Variants in KIF20B observed in about 807,000 individuals in gnomAD.
KIF20B encodes kinesin-like protein KIF20B.
KIF20B carries 188 observed loss-of-function variants against 232.5 expected under a neutral mutation model. The ratio of observed to expected loss-of-function variants is 0.81; its 90% CI spans 0.72 to 0.91. The LOEUF (loss-of-function observed/expected upper bound fraction) is 0.91. Ranked by LOEUF, KIF20B falls within the 40% of genes least tolerant of loss-of-function variation. KIF20B has a pLI of 0.00. For missense variants in KIF20B, 2,154 were observed against 2,055.9 expected (o/e 1.05, Z -0.92); for synonymous variants, 712 against 683.0 (o/e 1.04, Z -0.66).
chr10:89,722,873 T>G (rs1255990488), intron 13 of KIF20B, among the ~76,000 whole-genome samples: 1 of 152,146 alleles, frequency 6.6e-6, no homozygotes, highest in Non-Finnish European at 1.5e-5. Context: ...TGTTAATGGA[T>G]TTTTATTATA....
At chr10:89,719,730 C>T in intron 13 of KIF20B, 24 bp downstream of exon 13, 1 of 1,514,082 alleles carries the variant, frequency 6.6e-7, no homozygotes. Context: ...ACTCATACTT[C>T]TATGCTTGTC....
At chr10:89,746,207 G>T (rs1841906920) in intron 23 of KIF20B, among the ~76,000 whole-genome samples, 1 of 152,232 alleles carries the variant, frequency 6.6e-6, no homozygotes, top group Non-Finnish European at 1.5e-5. Flanking sequence ...CCGTCCACAG[G>T]CGGCTTGTGT....
At chr10:89,718,656 G>C in intron 11 of KIF20B, 54 bp from the exon 12 acceptor site, 1 of 1,369,444 alleles carries the variant, frequency 7.3e-7, no homozygotes, top group Admixed American at 2.0e-5. Flanking sequence ...TCAGCACCCT[G>C]ATTTCATGAG....
intron 14 of KIF20B, 38 bp downstream of exon 14, chr10:89,724,141 AT>A: frequency 7.0e-7 from 1 of 1,421,076 alleles, no homozygotes; most frequent in South Asian, 1.8e-5. Context: ...AAAATTGAGA[AT>A]TTTATTTAGT....
intron 29 of KIF20B, chr10:89,766,409 GCAA>G (rs983804698): frequency 6.6e-6 from 1 of 152,234 alleles, no homozygotes; most frequent in Non-Finnish European, 1.5e-5. Context: ...CAAACCAAAG[GCAA>G]AGAAGTTGAA....
chr10:89,741,617 G>C (rs1841797595), intron 21 of KIF20B, among the ~76,000 whole-genome samples: 1 of 152,078 alleles, frequency 6.6e-6, no homozygotes, highest in Admixed American at 6.5e-5. Flanking sequence ...CTTCCATTTT[G>C]TTGATAAGAA....
intron 1 of KIF20B, among the ~76,000 whole-genome samples, chr10:89,703,356 A>C (rs974019035): frequency 1.3e-5 from 2 of 152,362 alleles, no homozygotes. Flanking sequence ...ATTGACAACA[A>C]GATGGCAGGA....
chr10:89,742,639 A>G (rs1841825087), intron 21 of KIF20B, among the ~76,000 whole-genome samples: 1 of 151,726 alleles, frequency 6.6e-6, no homozygotes, highest in African/African-American at 2.4e-5. Context: ...GCTTAAAACA[A>G]TGTAAGAATC....
intron 29 of KIF20B, among the ~76,000 whole-genome samples, chr10:89,767,109 A>G (rs945806532): frequency 1.1e-4 from 16 of 151,858 alleles, no homozygotes; most frequent in South Asian, 6.2e-4. Flanking sequence ...CTTCACTGCT[A>G]TAATAAACTA....
At chr10:89,728,703 G>A (rs1589861926) in intron 17 of KIF20B, among the ~76,000 whole-genome samples, 3 of 151,620 alleles carry the variant, frequency 2.0e-5, no homozygotes, top group Admixed American at 6.6e-5. Flanking sequence ...GGGCTTTCAC[G>A]ATGTTGGCCA....
Position 89,752,659 on chromosome 10 carries a change from G to T in KIF20B, c.4315G>T (p.Gly1439Ter). Residue 1439 changes from glycine to a stop codon, truncating the protein, a stop_gained, in exon 25 of 33, where the codon GGA becomes TGA. Coordinates refer to ENST00000371728, the MANE Select transcript of KIF20B (RefSeq NM_001284259.2). LOFTEE classifies it high-confidence loss of function. Reference sequence around the variant, plus strand: ...ACATGAGAACAACACAGATGTGCTTGGAAAGCTCACTAATCTTCAAGATGA... The same window carrying T: ...ACATGAGAACAACACAGATGTGCTTTGAAAGCTCACTAATCTTCAAGATGA... ...KEHENNTDVL[G>*]KLTNLQDELQ... 6.3e-7 allele frequency: 1 copy of T among 1,586,824 alleles called. No individual in the cohort carries two copies. Among genetic ancestry groups the T allele is most frequent in the Non-Finnish European group, 8.6e-7 (1 of 1,167,654 alleles).
chr10:89,707,365 A>C (rs1036186634), intron 2 of KIF20B, among the ~76,000 whole-genome samples: 1 of 152,040 alleles, frequency 6.6e-6, no homozygotes, highest in Non-Finnish European at 1.5e-5. Flanking sequence ...TCTGATTAGC[A>C]TTTTGTTAGT....
chr10:89,755,117 T>TCTTA (rs1258337030), intron 26 of KIF20B, among the ~76,000 whole-genome samples: 1 of 152,242 alleles, frequency 6.6e-6, no homozygotes, highest in Non-Finnish European at 1.5e-5. Context: ...GTAATGATTG[T>TCTTA]CTTAGCCTGT....
Position 89,738,553 on chromosome 10 carries a change from G to A in KIF20B, c.3712G>A (p.Asp1238Asn). The A allele has an allele frequency of 1.3e-6, 2 of 1,584,332 alleles. No individual in the cohort carries two copies. The highest frequency in any genetic ancestry group is 1.7e-6 in the Non-Finnish European group (2 of 1,169,352). ...EITQLTNNLQDMKHLLQLKEE... is the reference protein window; with the variant it reads ...EITQLTNNLQNMKHLLQLKEE... The stretch of plus-strand genomic sequence containing the variant: ...CACACAGTTAACAAATAATTTGCAA[G>A]ATATGAAACATTTACTTCAATTAAA... Residue 1238 changes from aspartate (D) to asparagine (N), a missense_variant, in exon 20 of 33, where the codon GAT becomes AAT. Physicochemically the swap from Asp to Asn is conservative, Grantham distance 23. Coordinates refer to ENST00000371728, the MANE Select transcript of KIF20B (RefSeq NM_001284259.2).
chr10:89,773,422 T>C (rs1240392285), intron 32 of KIF20B, among the ~76,000 whole-genome samples: 1 of 151,786 alleles, frequency 6.6e-6, no homozygotes, highest in Non-Finnish European at 1.5e-5. Context: ...CCAAGAAAAA[T>C]CAGGAGAAAC....
intron 17 of KIF20B, among the ~76,000 whole-genome samples, chr10:89,728,158 A>T (rs1843230399): frequency 6.6e-6 from 1 of 152,152 alleles, no homozygotes; most frequent in Admixed American, 6.5e-5. Flanking sequence ...TTGGTATCTA[A>T]TATCCAGTAT....
chr10:89,751,894 A>G (rs1842029077), intron 24 of KIF20B, among the ~76,000 whole-genome samples: 1 of 152,040 alleles, frequency 6.6e-6, no homozygotes, highest in African/African-American at 2.4e-5. Context: ...ACATTTACTA[A>G]TAAAAATGTT....
intron 24 of KIF20B, among the ~76,000 whole-genome samples, chr10:89,752,029 CTGA>C (rs1378143661): frequency 2.0e-5 from 3 of 152,060 alleles, no homozygotes; most frequent in South Asian, 4.1e-4. Flanking sequence ...TAAAATGTGG[CTGA>C]TGATGATAAT....
chr10:89,706,770 C>A (rs1452638597), intron 2 of KIF20B, among the ~76,000 whole-genome samples: 4 of 151,868 alleles, frequency 2.6e-5, no homozygotes, highest in Non-Finnish European at 5.9e-5. Context: ...TTCCTTTGAC[C>A]TATTTGTCCT....
Sources: gnomAD v4.1 joint callset for allele counts (sites outside exome capture counted in the v4.1 genomes callset) on GRCh38, gnomAD v4.1.1 for gene constraint, MANE v1.5 for transcripts, NCBI Gene and HGNC (gene_info 2026-07-23, HGNC 2026-07-21) for gene names.